The following COL5A1 variants were observed in gnomAD, a reference collection of about 807,000 sequenced individuals.
COL5A1 encodes collagen alpha-1(V) chain.
COL5A1 carries 16 observed loss-of-function variants against 263.7 expected under a neutral mutation model. The observed-to-expected ratio is 0.06, with a 90% CI of 0.04 to 0.09. COL5A1 has a LOEUF of 0.09. Among genes scored for constraint, COL5A1 ranks in the 10% least tolerant of loss-of-function variants. The probability of loss-of-function intolerance (pLI) is 1.00; values close to 1 mark genes in which losing one functional copy is unlikely to be tolerated. For missense variants in COL5A1, 2,036 were observed against 2,540.5 expected (o/e 0.80, Z 4.27); for synonymous variants, 1,012 against 1,004.5 (o/e 1.01, Z -0.14).
At chr9:134,788,446 A>G (rs1837547553) in intron 31 of COL5A1, among the ~76,000 whole-genome samples, 1 of 145,516 alleles carries the variant, frequency 6.9e-6, no homozygotes, top group Non-Finnish European at 1.5e-5. Context: ...GTGGGTAGGT[A>G]GGCAGGTAGA....
At chr9:134,752,353 G>C (rs1835811846) in intron 13 of COL5A1, among the ~76,000 whole-genome samples, 1 of 151,540 alleles carries the variant, frequency 6.6e-6, no homozygotes, top group African/African-American at 2.4e-5. Context: ...GGAAACGGGG[G>C]CCCACTGGCT....
At chr9:134,829,571 C>T (rs376821900) in intron 63 of COL5A1, among the ~76,000 whole-genome samples, 317 of 147,728 alleles carry the variant, frequency 2.1e-3, no homozygotes, top group African/African-American at 5.3e-3. Flanking sequence ...GGGCCCAGGC[C>T]GGGCTCCTCA....
Position 134,676,705 on chromosome 9 carries a change from C to T in COL5A1, c.110-14207C>T, listed in dbSNP as rs537125873. Among the ~76,000 whole-genome samples, 3 of 152,298 alleles carry T rather than the reference C, an allele frequency of 2.0e-5. No homozygotes were observed. In the South Asian group the frequency reaches 6.2e-4, roughly 32 times the overall value. ...GTTCATTTAGTCCCTCCTTTATTTGCTGGTGGGGGTGGTGCTTCATTGTTC... is the reference window on the plus strand; with the variant it reads ...GTTCATTTAGTCCCTCCTTTATTTGTTGGTGGGGGTGGTGCTTCATTGTTC... On this transcript the variant is annotated intron_variant, in intron 1 of 65. Transcript: ENST00000371817.
At chr9:134,780,005 C>T in intron 27 of COL5A1, 97 bp from the exon 28 acceptor site, 17 of 1,395,126 alleles carry the variant, frequency 1.2e-5, no homozygotes, top group Non-Finnish European at 1.7e-5. Flanking sequence ...CATCTGTCAG[C>T]TTCAGCGAGC....
chr9:134,685,411 A>G (rs377705421), intron 1 of COL5A1, among the ~76,000 whole-genome samples: 30 of 23,034 alleles, frequency 1.3e-3, no homozygotes, highest in Middle Eastern at 0.067. Context: ...TCCATCCATT[A>G]ATTCATCCAT....
chr9:134,753,756 C>CCCAACCCCCG, intron 14 of COL5A1, 94 bp from the exon 15 acceptor site: 2 of 706,644 alleles, frequency 2.8e-6, no homozygotes, highest in Non-Finnish European at 2.6e-6. Context: ...AAGCCCTGTC[C>CCCAACCCCCG]CCTCCCCCTG....
chr9:134,709,795 G>A (rs1021344604), intron 4 of COL5A1, among the ~76,000 whole-genome samples: 13 of 152,206 alleles, frequency 8.5e-5, no homozygotes, highest in Admixed American at 2.0e-4. Flanking sequence ...GGCTGACGGC[G>A]GATGTTCTGA....
At chr9:134,836,124 T>C (rs915773924) in intron 65 of COL5A1, among the ~76,000 whole-genome samples, 1 of 152,176 alleles carries the variant, frequency 6.6e-6, no homozygotes, top group Non-Finnish European at 1.5e-5. Context: ...TTAGTGTTTG[T>C]AGAAAGGCAC....
At chr9:134,829,644 C>T (rs1588608061) in intron 63 of COL5A1, among the ~76,000 whole-genome samples, 1 of 150,216 alleles carries the variant, frequency 6.7e-6, no homozygotes, top group East Asian at 2.0e-4. Context: ...TCCCCGAGGG[C>T]CCCGGCCAGG....
At chr9:134,810,333 G>A (rs532640710) in intron 44 of COL5A1, 25 bp downstream of exon 44, 16 of 1,611,948 alleles carry the variant, frequency 9.9e-6, no homozygotes, top group African/African-American at 2.7e-5. Flanking sequence ...GGGGGCGCGC[G>A]GCAGCCCCCA....
At chr9:134,729,089 G>T (rs1450804435) in intron 6 of COL5A1, among the ~76,000 whole-genome samples, 1 of 152,228 alleles carries the variant, frequency 6.6e-6, no homozygotes, top group Non-Finnish European at 1.5e-5. Context: ...CCCTGTACGA[G>T]GCACAGGGCT....
Position 134,842,981 on chromosome 9 carries a change from A to T in COL5A1, c.*678A>T, listed in dbSNP as rs1381941274. On this transcript the variant is annotated 3_prime_UTR_variant, in exon 66 of 66. Transcript: ENST00000371817. This position sits in a 1 kb window ranked among gnomAD's most constrained non-coding sequence, Gnocchi z 5.8. Reference sequence around the variant, plus strand: ...GTCCCACGGACAGAATGGGCGAGGCATGGATTCTGGGTTGCAGTACCGTTC... The same window carrying T: ...GTCCCACGGACAGAATGGGCGAGGCTTGGATTCTGGGTTGCAGTACCGTTC... 6.5e-6 allele frequency: 1 copy of T among 154,052 alleles called. No homozygotes were observed. Among genetic ancestry groups the T allele is most frequent in the Non-Finnish European group, 1.4e-5 (1 of 69,150 alleles). 9.5% of individuals were successfully genotyped at this position (154,052 alleles called of 1,614,324 possible).
Position 134,757,997 on chromosome 9 carries a change from T to C in COL5A1, c.1882-246T>C, listed in dbSNP as rs1478849772. Among the ~76,000 whole-genome samples, 1 of 152,194 alleles carries C rather than the reference T, an allele frequency of 6.6e-6. No homozygotes were observed. Among genetic ancestry groups the C allele is most frequent in the African/African-American group, 2.4e-5 (1 of 41,456 alleles). ...GCATGACTAAGGACCCGTCGGGGCC[T>C]GGGACTTGGGGATGAAAGTCATCTC... On this transcript the variant is annotated intron_variant, in intron 17 of 65. Coordinates refer to ENST00000371817, the MANE Select transcript of COL5A1 (RefSeq NM_000093.5). The surrounding 1 kb of genome is among the most constrained non-coding windows in gnomAD (Gnocchi z 6.2).
intron 59 of COL5A1, among the ~76,000 whole-genome samples, chr9:134,822,724 C>CG (rs546175702): frequency 7.0e-4 from 105 of 150,772 alleles, no homozygotes; most frequent in Non-Finnish European, 1.2e-3. Context: ...CGCTGCGCCC[C>CG]CCCCGCGGCT....
intron 63 of COL5A1, among the ~76,000 whole-genome samples, chr9:134,826,654 C>G (rs371984241): frequency 7.5e-5 from 11 of 146,890 alleles, no homozygotes; most frequent in South Asian, 4.4e-4. Flanking sequence ...GTGCATGTGG[C>G]TGGTGGATGG....
rs914163295 is a variant in COL5A1 at position 134,757,839 on chromosome 9, A to T, written c.1882-404A>T. Among the ~76,000 whole-genome samples, 4 of 152,112 alleles carry T rather than the reference A, an allele frequency of 2.6e-5. No individual in the cohort carries two copies. Among genetic ancestry groups the T allele is most frequent in the Admixed American group, 1.3e-4 (2 of 15,284 alleles). ...GTACGCGTACCTCCTGAGCGCGGGCAGCCCCTCGGCACCATGGATACAGCT... is the reference window on the plus strand; with the variant it reads ...GTACGCGTACCTCCTGAGCGCGGGCTGCCCCTCGGCACCATGGATACAGCT... On this transcript the variant is annotated intron_variant, in intron 17 of 65. Transcript: ENST00000371817. The surrounding 1 kb of genome is among the most constrained non-coding windows in gnomAD (Gnocchi z 6.2).
chr9:134,787,529 C>T (rs138033448), intron 31 of COL5A1, among the ~76,000 whole-genome samples: 1,816 of 152,326 alleles, frequency 0.012, 15 homozygotes, highest in Non-Finnish European at 0.018. Context: ...ACCCTGTGGG[C>T]AGCTGAGCGA....
rs537406193 is a variant in COL5A1, at chr9:134,818,664, C to T, written c.4239C>T (p.Ala1413=). The T allele has an allele frequency of 6.1e-5, 98 of 1,608,704 alleles. No individual in the cohort carries two copies. The highest frequency in any genetic ancestry group is 1.8e-4 in the Middle Eastern group (1 of 5,610). The change falls in exon 55 of 66, where the codon GCC becomes GCT. Residue 1413 remains alanine, a synonymous_variant. Coordinates refer to ENST00000371817, the MANE Select transcript of COL5A1 (RefSeq NM_000093.5). This position sits in a 1 kb window ranked among gnomAD's most constrained non-coding sequence, Gnocchi z 6.0. ...CCTCCGCCGTCCTGCAGGGAGAAGC[C>T]GGCTTGGAAGGCCCTCCTGGGAAGA... ...RQGEKGAKGE[A]GLEGPPGKTG... is the part of the protein sequence containing the mutation.
intron 49 of COL5A1, 43 bp downstream of exon 49, chr9:134,814,079 CG>C: frequency 6.5e-7 from 1 of 1,540,094 alleles, no homozygotes; most frequent in Non-Finnish European, 8.8e-7. Flanking sequence ...TATGGCCGAG[CG>C]GGTGTGTGGA....
Sources: allele counts gnomAD v4.1 joint callset (sites outside exome capture counted in the v4.1 genomes callset), GRCh38; gene constraint gnomAD v4.1.1; non-coding constraint Gnocchi (gnomAD v3.1); transcripts MANE v1.5; gene names NCBI Gene and HGNC (gene_info 2026-07-23, HGNC 2026-07-21).